The following FHIT variants were observed in gnomAD, a reference collection of about 807,000 sequenced individuals.
The protein encoded by FHIT is fragile histidine triad diadenosine triphosphatase, also known as bis(5'-adenosyl)-triphosphatase.
In FHIT, 19 loss-of-function variants were observed where a neutral mutation model predicts 17.9. The observed-to-expected ratio is 1.06, with a 90% confidence interval of 0.74 to 1.56. The LOEUF is 1.56. FHIT is among the 40% of genes most tolerant of loss of function. The pLI is 0.00. For synonymous variants in FHIT, 81 were observed against 69.7 expected (o/e 1.16, Z -0.81); for missense variants, 248 against 189.2 (o/e 1.31, Z -1.82).
intron 2 of FHIT, among the ~76,000 whole-genome samples, chr3:61,123,517 A>G (rs2036521873): frequency 6.6e-6 from 1 of 151,270 alleles, no homozygotes; most frequent in African/African-American, 2.4e-5. Context: ...AAAGGAGAAG[A>G]ACAAAAAAAG....
chr3:60,233,498 T>C (rs1389533460), intron 5 of FHIT, among the ~76,000 whole-genome samples: 1 of 152,082 alleles, frequency 6.6e-6, no homozygotes, highest in Non-Finnish European at 1.5e-5. Flanking sequence ...TCCTCCACCA[T>C]GCTACCTAAA....
chr3:61,246,687 G>T (rs2106947437), intron 1 of FHIT, among the ~76,000 whole-genome samples: 1 of 151,992 alleles, frequency 6.6e-6, no homozygotes, highest in Admixed American at 6.6e-5. Context: ...ACACACCGGG[G>T]CCTGTTGTGG....
intron 5 of FHIT, among the ~76,000 whole-genome samples, chr3:60,218,373 A>T (rs1322066578): frequency 6.6e-6 from 1 of 152,180 alleles, no homozygotes; most frequent in Admixed American, 6.5e-5. Flanking sequence ...TACTGCTAAG[A>T]GAATTATAAC....
At chr3:61,212,699 G>C (rs1030137227) in intron 1 of FHIT, among the ~76,000 whole-genome samples, 1 of 152,188 alleles carries the variant, frequency 6.6e-6, no homozygotes, top group Non-Finnish European at 1.5e-5. Context: ...ACACATAATT[G>C]TCAGATTCAC....
At chr3:60,595,966 T>A (rs1192007856) in intron 4 of FHIT, among the ~76,000 whole-genome samples, 4 of 151,998 alleles carry the variant, frequency 2.6e-5, no homozygotes, top group Non-Finnish European at 4.4e-5. Context: ...ATAGTTAACA[T>A]CCAAATCCCA....
intron 4 of FHIT, among the ~76,000 whole-genome samples, chr3:60,760,466 TG>T (rs1553719483): frequency 6.6e-6 from 1 of 152,202 alleles, no homozygotes; most frequent in Non-Finnish European, 1.5e-5. Context: ...GGCAAGTGGG[TG>T]GAGTAGGGTC....
intron 3 of FHIT, among the ~76,000 whole-genome samples, chr3:60,951,842 G>A (rs192331226): frequency 3.9e-5 from 6 of 152,198 alleles, no homozygotes; most frequent in Admixed American, 3.9e-4. Context: ...CTAAATAAAG[G>A]GAAAGGTCTC....
At chr3:60,636,424 G>A (rs1341424296) in intron 4 of FHIT, among the ~76,000 whole-genome samples, 1 of 150,522 alleles carries the variant, frequency 6.6e-6, no homozygotes, top group African/African-American at 2.4e-5. Context: ...AAGGTTACCA[G>A]ACTTGGGCAT....
At chr3:60,332,000 G>A (rs1308544079) in intron 5 of FHIT, among the ~76,000 whole-genome samples, 1 of 151,952 alleles carries the variant, frequency 6.6e-6, no homozygotes, top group Non-Finnish European at 1.5e-5. Flanking sequence ...TGTGTACCAT[G>A]TACACAAAAA....
At chr3:60,051,754 T>G (rs1701889538) in intron 5 of FHIT, among the ~76,000 whole-genome samples, 1 of 152,184 alleles carries the variant, frequency 6.6e-6, no homozygotes, top group African/African-American at 2.4e-5. Flanking sequence ...TCCCCAAGGC[T>G]GTAACAGTGT....
chr3:60,574,070 A>T (rs1225831263), intron 4 of FHIT, among the ~76,000 whole-genome samples: 2 of 152,146 alleles, frequency 1.3e-5, no homozygotes, highest in African/African-American at 4.8e-5. Context: ...TCAGCCTCCC[A>T]AAGTGCTGGC....
chr3:60,539,909 G>C (rs2036127156), intron 4 of FHIT, among the ~76,000 whole-genome samples: 1 of 151,302 alleles, frequency 6.6e-6, no homozygotes, highest in African/African-American at 2.4e-5. Flanking sequence ...CCTGCATGTT[G>C]TGCACATGTA....
At chr3:59,971,163 T>C (rs754403553) in intron 7 of FHIT, among the ~76,000 whole-genome samples, 1 of 152,256 alleles carries the variant, frequency 6.6e-6, no homozygotes, top group East Asian at 1.9e-4. Flanking sequence ...CCCAGTTAAA[T>C]GAAGTTCAAG....
chr3:60,558,052 A>T (rs1259884885), intron 4 of FHIT, among the ~76,000 whole-genome samples: 1 of 152,054 alleles, frequency 6.6e-6, no homozygotes, highest in Non-Finnish European at 1.5e-5. Context: ...CTTGTTTAGA[A>T]GACCCCTACG....
intron 3 of FHIT, among the ~76,000 whole-genome samples, chr3:60,906,906 T>C (rs1352247119): frequency 6.6e-6 from 1 of 152,160 alleles, no homozygotes; most frequent in East Asian, 1.9e-4. Flanking sequence ...GAATAAATTG[T>C]TCTGATTACA....
intron 4 of FHIT, among the ~76,000 whole-genome samples, chr3:60,721,260 G>C (rs1020862232): frequency 1.3e-5 from 2 of 151,920 alleles, no homozygotes; most frequent in Admixed American, 6.6e-5. Flanking sequence ...TACTTCAAAG[G>C]CCTCCTCTTC....
intron 2 of FHIT, among the ~76,000 whole-genome samples, chr3:61,187,595 C>T (rs933243909): frequency 6.6e-6 from 1 of 152,188 alleles, no homozygotes; most frequent in African/African-American, 2.4e-5. Flanking sequence ...TAGACATCTA[C>T]AGAACTCTCC....
intron 5 of FHIT, among the ~76,000 whole-genome samples, chr3:60,299,716 A>T (rs1026633707): frequency 6.6e-6 from 1 of 151,986 alleles, no homozygotes; most frequent in Non-Finnish European, 1.5e-5. Context: ...TGGATATGAG[A>T]ATTCTGGCTC....
Position 60,378,074 on chromosome 3 carries a change from T to TGGAGTG in FHIT, c.103+158780_103+158785dup, listed in dbSNP as rs532195070. On this transcript the variant is annotated intron_variant, in intron 5 of 9. Coordinates refer to ENST00000492590, the MANE Select transcript of FHIT (RefSeq NM_002012.4). ...CAGAGTCTCACCCTGTCTCCCAGGC[T>TGGAGTG]GGAGTGCAGTGGCGCGATCACGGCT... Among the ~76,000 whole-genome samples the TGGAGTG allele has an allele frequency of 9.5e-4, 145 of 152,060 alleles. 1 individual carries two copies. Among genetic ancestry groups the TGGAGTG allele is most frequent in the African/African-American group, 3.2e-3 (133 of 41,470 alleles).
Sources: allele counts gnomAD v4.1 joint callset (sites outside exome capture counted in the v4.1 genomes callset), GRCh38; gene constraint gnomAD v4.1.1; transcripts MANE v1.5; gene names NCBI Gene and HGNC (gene_info 2026-07-23, HGNC 2026-07-21).